Variants in NRXN1 observed in about 807,000 individuals in gnomAD.
The protein encoded by NRXN1 is neurexin 1, also known as neurexin-1.
In NRXN1, 39 loss-of-function variants were observed where a neutral mutation model predicts 150.9. The observed-to-expected ratio is 0.26, with a 90% CI of 0.20 to 0.34. The LOEUF is 0.34. NRXN1 is among the 10% of genes least tolerant of loss of function. The pLI is 1.00. For missense variants in NRXN1, 1,815 were observed against 1,949.9 expected (o/e 0.93, Z 1.30); for synonymous variants, 924 against 757.0 (o/e 1.22, Z -3.62).
At position 50,418,665 on chromosome 2, in the gene NRXN1, G is replaced by A. The variant is rs971300565; in HGVS notation, c.3364+46777C>T. On this transcript the variant is annotated intron_variant, in intron 17 of 22. Coordinates refer to ENST00000401669, the MANE Select transcript of NRXN1 (RefSeq NM_001330078.2). ...TACCCTTGTACAGGAGAACTCCCTT[G>A]GTATTGAGCAAATTCATCCAGGGAT... 3.3e-5 allele frequency among the ~76,000 whole-genome samples: 5 copies of A among 151,924 alleles called. 1 individual carries two copies. Among genetic ancestry groups the A allele is most frequent in the African/African-American group, 4.8e-5 (2 of 41,484 alleles).
intron 5 of NRXN1, among the ~76,000 whole-genome samples, chr2:50,818,521 A>T (rs1669253777): frequency 6.6e-6 from 1 of 152,016 alleles, no homozygotes; most frequent in Admixed American, 6.6e-5. Flanking sequence ...ACACACAAAA[A>T]TCAACTCATA....
chr2:50,289,025 T>C (rs1304146636), intron 17 of NRXN1, among the ~76,000 whole-genome samples: 1 of 151,984 alleles, frequency 6.6e-6, no homozygotes, highest in Non-Finnish European at 1.5e-5. Context: ...AATTCCCGGG[T>C]TTCTGCTTTT....
chr2:50,827,878 C>G (rs1260307271), intron 5 of NRXN1, among the ~76,000 whole-genome samples: 2 of 148,840 alleles, frequency 1.3e-5, no homozygotes, highest in Non-Finnish European at 3.0e-5. Flanking sequence ...TCCATTTAAC[C>G]CTGACTGGAC....
chr2:50,388,141 A>G (rs2081446440), intron 17 of NRXN1, among the ~76,000 whole-genome samples: 1 of 152,094 alleles, frequency 6.6e-6, no homozygotes, highest in Non-Finnish European at 1.5e-5. Flanking sequence ...AGGTAGAAAA[A>G]CTACATTTTG....
chr2:50,474,818 T>C (rs1329832258), intron 15 of NRXN1, among the ~76,000 whole-genome samples: 1 of 145,980 alleles, frequency 6.9e-6, no homozygotes, highest in Non-Finnish European at 1.5e-5. Flanking sequence ...GCCACCTCTC[T>C]TTACCCGCCC....
chr2:50,970,222 T>C (rs963922968), intron 2 of NRXN1, among the ~76,000 whole-genome samples: 1 of 152,140 alleles, frequency 6.6e-6, no homozygotes, highest in African/African-American at 2.4e-5. Context: ...TTCTGTGACC[T>C]GCCTTGGGGA....
chr2:50,300,157 C>G (rs1460429402), intron 17 of NRXN1, among the ~76,000 whole-genome samples: 2 of 152,044 alleles, frequency 1.3e-5, no homozygotes, highest in Non-Finnish European at 2.9e-5. Context: ...TAAAGAGCAA[C>G]CAGGAAAAGG....
intron 17 of NRXN1, among the ~76,000 whole-genome samples, chr2:50,304,880 A>C (rs553014536): frequency 1.3e-5 from 2 of 152,282 alleles, no homozygotes; most frequent in South Asian, 4.1e-4. Context: ...TCAGAAGGTC[A>C]GGAGTTCGAG....
At chr2:50,804,753 CA>C (rs1559287371) in intron 5 of NRXN1, among the ~76,000 whole-genome samples, 1 of 152,132 alleles carries the variant, frequency 6.6e-6, no homozygotes, top group African/African-American at 2.4e-5. Context: ...ACCTCTAAGT[CA>C]AAAGCTTTTT....
rs139295825 is a variant in NRXN1, at chr2:50,090,055, T to C, written c.3718+1268A>G. Among the ~76,000 whole-genome samples the C allele has an allele frequency of 6.6e-5, 10 of 152,354 alleles. No individual in the cohort carries two copies. In the East Asian group the frequency reaches 1.9e-3, roughly 29 times the overall value. On this transcript the variant is annotated intron_variant, in intron 19 of 22. Coordinates refer to ENST00000401669, the MANE Select transcript of NRXN1 (RefSeq NM_001330078.2). ...TATTTGCCAGTATTATAACAGGCAC[T>C]GGACATATTAATTTCCTTGCTTCCT...
At chr2:50,963,920 T>G in intron 2 of NRXN1, 1 of 397,528 alleles carries the variant, frequency 2.5e-6, no homozygotes, top group Non-Finnish European at 5.0e-6. Flanking sequence ...TATGGTATCC[T>G]TGCACTAGGC....
At chr2:49,974,401 C>A (rs1678574019) in intron 21 of NRXN1, among the ~76,000 whole-genome samples, 1 of 152,056 alleles carries the variant, frequency 6.6e-6, no homozygotes, top group South Asian at 2.1e-4. Flanking sequence ...TCCCTCTAAC[C>A]CCCGACCGAA....
At chr2:50,473,609 T>C (rs1558792944) in intron 15 of NRXN1, among the ~76,000 whole-genome samples, 2 of 152,046 alleles carry the variant, frequency 1.3e-5, no homozygotes, top group Non-Finnish European at 2.9e-5. Flanking sequence ...TTCTTTCTCA[T>C]GTTAACCATT....
chr2:49,946,076 T>A (rs1486167045), intron 21 of NRXN1, among the ~76,000 whole-genome samples: 1 of 152,214 alleles, frequency 6.6e-6, no homozygotes, highest in Non-Finnish European at 1.5e-5. Flanking sequence ...TGATTGCCAT[T>A]CTAACTGGCA....
chr2:50,724,797 T>G (rs1262309657), intron 5 of NRXN1, among the ~76,000 whole-genome samples: 2 of 152,196 alleles, frequency 1.3e-5, no homozygotes, highest in Non-Finnish European at 2.9e-5. Context: ...ATCCATTCAT[T>G]CATTTATTAA....
intron 5 of NRXN1, among the ~76,000 whole-genome samples, chr2:50,657,250 G>GGA (rs1686624402): frequency 6.6e-6 from 1 of 151,852 alleles, no homozygotes; most frequent in Non-Finnish European, 1.5e-5. Context: ...CCTGGATTTT[G>GGA]GCATTTCAGT....
At chr2:50,354,174 A>C (rs2078622083) in intron 17 of NRXN1, among the ~76,000 whole-genome samples, 1 of 152,118 alleles carries the variant, frequency 6.6e-6, no homozygotes, top group African/African-American at 2.4e-5. Flanking sequence ...AAAAACTTCA[A>C]GATGTCTATT....
At chr2:49,960,720 G>A (rs1054451253) in intron 21 of NRXN1, among the ~76,000 whole-genome samples, 4 of 152,060 alleles carry the variant, frequency 2.6e-5, no homozygotes, top group Admixed American at 6.6e-5. Context: ...CACCAGCACC[G>A]GCACTGCCAA....
At chr2:49,994,741 T>C (rs940063725) in intron 21 of NRXN1, among the ~76,000 whole-genome samples, 2 of 152,210 alleles carry the variant, frequency 1.3e-5, no homozygotes, top group African/African-American at 4.8e-5. Context: ...TGCTCATTCA[T>C]TCTCATTTAA....
Sources: gnomAD v4.1 joint callset for allele counts (sites outside exome capture counted in the v4.1 genomes callset) on GRCh38, gnomAD v4.1.1 for gene constraint, MANE v1.5 for transcripts, NCBI Gene and HGNC (gene_info 2026-07-23, HGNC 2026-07-21) for gene names.